The following SLIT3 variants were observed in gnomAD, a reference collection of about 807,000 sequenced individuals.
SLIT3 encodes slit homolog 3 protein.
A neutral mutation model predicts 184.0 loss-of-function variants in SLIT3; 68 were observed. The observed-to-expected ratio is 0.37, with a 90% CI of 0.30 to 0.45. The LOEUF is 0.45. SLIT3 is among the 20% of genes least tolerant of loss of function. The pLI is 1.00. For missense variants in SLIT3, 1,707 were observed against 2,026.0 expected, an observed-to-expected ratio of 0.84 and a Z score of 3.02; for synonymous variants, 831 against 828.6, an observed-to-expected ratio of 1.00 and a Z score of -0.05.
chr5:168,757,416 C>T (rs1754986471), intron 16 of SLIT3, among the ~76,000 whole-genome samples: 1 of 152,120 alleles, frequency 6.6e-6, no homozygotes, highest in African/African-American at 2.4e-5. Context: ...GGTGTGCAAC[C>T]CCTATTTTTG....
At chr5:168,781,806 T>G (rs1410827296) in intron 12 of SLIT3, among the ~76,000 whole-genome samples, 2 of 152,182 alleles carry the variant, frequency 1.3e-5, no homozygotes, top group Non-Finnish European at 2.9e-5. Context: ...TGTCTCTGGA[T>G]GGATGTGCTG....
At chr5:168,838,524 T>C (rs1367542113) in intron 6 of SLIT3, among the ~76,000 whole-genome samples, 1 of 152,200 alleles carries the variant, frequency 6.6e-6, no homozygotes. Context: ...ATTATTATTA[T>C]TCGTTAATCC....
intron 6 of SLIT3, among the ~76,000 whole-genome samples, chr5:168,826,533 T>C (rs982092025): frequency 4.6e-5 from 7 of 152,188 alleles, no homozygotes; most frequent in Non-Finnish European, 1.0e-4. Flanking sequence ...AGCATGGACC[T>C]CGAAGGCAGA....
chr5:169,181,428 C>G (rs1463532964), intron 4 of SLIT3, among the ~76,000 whole-genome samples: 1 of 152,016 alleles, frequency 6.6e-6, no homozygotes, highest in Non-Finnish European at 1.5e-5. Context: ...ATTGCTACCA[C>G]TGGTTTTCAT....
chr5:168,845,673 C>T lies in SLIT3; in HGVS notation c.486-1018G>A, dbSNP rs182327820. On this transcript the variant is annotated intron_variant, in intron 5 of 35. Transcript: ENST00000519560. The stretch of plus-strand genomic sequence containing the variant: ...ATATATAATGTGTAAGTCAGGATAT[C>T]AACCATGATCACACCCCAACTATAA... Among the ~76,000 whole-genome samples, 3 of 151,986 alleles carry T rather than the reference C, an allele frequency of 2.0e-5. No individual in the cohort carries two copies. The East Asian group carries it at 5.8e-4, about 29-fold the overall frequency.
At position 168,938,936 on chromosome 5, in the gene SLIT3, T is replaced by C. The variant is rs115709580; in HGVS notation, c.414-55600A>G. On this transcript the variant is annotated intron_variant, in intron 4 of 35. Coordinates refer to ENST00000519560, the MANE Select transcript of SLIT3 (RefSeq NM_003062.4). ...GAGCCACTGTGCCCAGCCTATACAA[T>C]GATTATATAGAGATATACCCTGATT... Among the ~76,000 whole-genome samples the C allele has an allele frequency of 9.2e-3, 1,403 of 152,122 alleles. 19 individuals carry two copies. The highest frequency in any genetic ancestry group is 0.032 in the African/African-American group (1,336 of 41,442).
chr5:168,899,729 C>T (rs1175198383), intron 4 of SLIT3, among the ~76,000 whole-genome samples: 1 of 152,162 alleles, frequency 6.6e-6, no homozygotes, highest in Non-Finnish European at 1.5e-5. Context: ...CAATATTTCA[C>T]AAATATATTT....
chr5:169,000,007 G>A lies in SLIT3; in HGVS notation c.414-116671C>T, dbSNP rs965864647. Reference sequence around the variant, plus strand: ...CCATCCTTCTTAGGAAATAGCAGAAGTAAAGTAATGCCTATCACTTGCTAA... The same window carrying A: ...CCATCCTTCTTAGGAAATAGCAGAAATAAAGTAATGCCTATCACTTGCTAA... On this transcript the variant is annotated intron_variant, in intron 4 of 35. Transcript: ENST00000519560. Among the ~76,000 whole-genome samples, 10 of 152,322 alleles carry A rather than the reference G, an allele frequency of 6.6e-5. No individual in the cohort carries two copies. The South Asian group carries it at 1.9e-3, about 28-fold the overall frequency.
At chr5:169,290,561 ACACAC>A in intron 1 of SLIT3, among the ~76,000 whole-genome samples, 1 of 150,356 alleles carries the variant, frequency 6.7e-6, no homozygotes, top group Non-Finnish European at 1.5e-5. Flanking sequence ...ACGCTAGGGC[ACACAC>A]TAGGGTGCGC....
At chr5:168,863,016 A>G (rs921025973) in intron 5 of SLIT3, among the ~76,000 whole-genome samples, 30 of 151,708 alleles carry the variant, frequency 2.0e-4, no homozygotes, top group South Asian at 8.4e-4. Flanking sequence ...GGTGTAGATA[A>G]CAATGTGGGC....
intron 4 of SLIT3, among the ~76,000 whole-genome samples, chr5:169,028,026 C>G (rs1189686469): frequency 2.0e-5 from 3 of 152,078 alleles, no homozygotes; most frequent in Non-Finnish European, 4.4e-5. Flanking sequence ...CTTCCTTTAG[C>G]CTTTAAAGGA....
chr5:169,138,189 C>A (rs1024524367), intron 4 of SLIT3, among the ~76,000 whole-genome samples: 1 of 152,326 alleles, frequency 6.6e-6, no homozygotes, highest in Non-Finnish European at 1.5e-5. Context: ...TGAAGTTTGG[C>A]TGCTAACAGC....
At chr5:169,245,389 C>G (rs1470358225) in intron 2 of SLIT3, among the ~76,000 whole-genome samples, 3 of 152,114 alleles carry the variant, frequency 2.0e-5, no homozygotes, top group South Asian at 4.1e-4. Flanking sequence ...CCTAAACACT[C>G]TGTATAAGTG....
At chr5:168,911,307 C>T (rs1045072411) in intron 4 of SLIT3, among the ~76,000 whole-genome samples, 1 of 152,148 alleles carries the variant, frequency 6.6e-6, no homozygotes, top group African/African-American at 2.4e-5. Context: ...ATCCTATTAG[C>T]GTTCACCCCA....
intron 4 of SLIT3, among the ~76,000 whole-genome samples, chr5:169,098,758 A>G (rs1331081833): frequency 6.6e-6 from 1 of 152,228 alleles, no homozygotes; most frequent in Non-Finnish European, 1.5e-5. Context: ...GGACACAGTC[A>G]TTACAATGGG....
intron 9 of SLIT3, among the ~76,000 whole-genome samples, chr5:168,798,811 A>G (rs1055279018): frequency 1.3e-5 from 2 of 152,042 alleles, no homozygotes; most frequent in African/African-American, 4.8e-5. Context: ...AGAGTTTCAC[A>G]TGGTCTGTCT....
At chr5:168,736,424 G>A (rs1285853038) in intron 20 of SLIT3, among the ~76,000 whole-genome samples, 1 of 152,182 alleles carries the variant, frequency 6.6e-6, no homozygotes, top group African/African-American at 2.4e-5. Context: ...CTGGCTGGAG[G>A]CACATTTCAG....
At chr5:168,686,214 C>T (rs112441483) in intron 30 of SLIT3, among the ~76,000 whole-genome samples, 14 of 152,226 alleles carry the variant, frequency 9.2e-5, no homozygotes, top group African/African-American at 2.2e-4. Flanking sequence ...GTTCAGGCTG[C>T]GGAACAGAGC....
intron 20 of SLIT3, among the ~76,000 whole-genome samples, chr5:168,741,975 G>A (rs2113433554): frequency 8.3e-6 from 1 of 120,728 alleles, no homozygotes; most frequent in South Asian, 3.5e-4. Flanking sequence ...TTTGTTTTCA[G>A]AATCACTCCT....
Sources: gnomAD v4.1 joint callset for allele counts (sites outside exome capture counted in the v4.1 genomes callset) on GRCh38, gnomAD v4.1.1 for gene constraint, MANE v1.5 for transcripts, NCBI Gene and HGNC (gene_info 2026-07-23, HGNC 2026-07-21) for gene names.